Variants in SAE1 observed in about 807,000 individuals in gnomAD.
SAE1 encodes SUMO-activating enzyme subunit 1.
Under a neutral mutation model 40.6 loss-of-function variants are expected in SAE1, and 11 were observed. That is an observed-to-expected ratio of 0.27 (90% CI 0.17 to 0.45). The LOEUF is 0.45. Among genes scored for constraint, SAE1 ranks in the 20% least tolerant of loss-of-function variants. The pLI, the probability that SAE1 is intolerant of heterozygous loss-of-function variation, is 1.00. For missense variants in SAE1, 373 were observed against 427.3 expected (o/e 0.87, Z 1.12); for synonymous variants, 155 against 154.3 (o/e 1.00, Z -0.03).
At chr19:47,185,606 ATTT>A in intron 6 of SAE1, among the ~76,000 whole-genome samples, 1 of 149,144 alleles carries the variant, frequency 6.7e-6, no homozygotes, top group Non-Finnish European at 1.5e-5. Flanking sequence ...CGCCCAGCCT[ATTT>A]TTGTTTTTTT....
intron 1 of SAE1, among the ~76,000 whole-genome samples, chr19:47,132,258 C>T (rs2058149054): frequency 6.6e-6 from 1 of 151,372 alleles, no homozygotes; most frequent in South Asian, 2.1e-4. Context: ...CCACTGTGCC[C>T]AGCTTGTTTT....
At chr19:47,188,214 G>A (rs751802321) in intron 6 of SAE1, among the ~76,000 whole-genome samples, 1 of 152,072 alleles carries the variant, frequency 6.6e-6, no homozygotes, top group Non-Finnish European at 1.5e-5. Context: ...CACCAGGCAT[G>A]GTGGTGCATG....
At chr19:47,206,050 G>A (rs1385875434) in intron 8 of SAE1, among the ~76,000 whole-genome samples, 1 of 152,172 alleles carries the variant, frequency 6.6e-6, no homozygotes, top group Non-Finnish European at 1.5e-5. Context: ...TTTTTCATGT[G>A]GGATGGAGAC....
chr19:47,200,753 T>A (rs922075431), intron 7 of SAE1, among the ~76,000 whole-genome samples: 3 of 152,198 alleles, frequency 2.0e-5, no homozygotes, highest in African/African-American at 7.2e-5. Flanking sequence ...ACTTACTCAT[T>A]TATATATTAT....
At chr19:47,166,281 G>C (rs1031028508) in intron 5 of SAE1, among the ~76,000 whole-genome samples, 29 of 152,270 alleles carry the variant, frequency 1.9e-4, no homozygotes, top group African/African-American at 6.7e-4. Context: ...GGGCACGGAT[G>C]GGGGCCAGCT....
intron 6 of SAE1, among the ~76,000 whole-genome samples, chr19:47,176,830 CTCT>C (rs1400523711): frequency 2.6e-5 from 4 of 152,176 alleles, no homozygotes; most frequent in African/African-American, 4.8e-5. Context: ...AGCAAAAGGT[CTCT>C]TCTTTTTATT....
At chr19:47,186,669 C>T (rs2058546481) in intron 6 of SAE1, among the ~76,000 whole-genome samples, 1 of 152,136 alleles carries the variant, frequency 6.6e-6, no homozygotes, top group African/African-American at 2.4e-5. Flanking sequence ...TCATCCGGCG[C>T]CTCGGAACCT....
At chr19:47,194,784 C>T (rs980704919) in intron 6 of SAE1, among the ~76,000 whole-genome samples, 2 of 144,608 alleles carry the variant, frequency 1.4e-5, no homozygotes, top group Non-Finnish European at 3.0e-5. Context: ...GAGTTACGCT[C>T]TATCGCACAG....
intron 6 of SAE1, among the ~76,000 whole-genome samples, chr19:47,174,563 ATTT>A (rs71180803): frequency 5.6e-5 from 5 of 88,516 alleles, no homozygotes; most frequent in Non-Finnish European, 6.2e-5. Flanking sequence ...CGCCTGGCAA[ATTT>A]TTTTTTTTTT....
chr19:47,206,896 A>G (rs1212721985), intron 8 of SAE1, among the ~76,000 whole-genome samples: 2 of 152,178 alleles, frequency 1.3e-5, no homozygotes, highest in Admixed American at 6.5e-5. Context: ...TTATTTGCCT[A>G]TTTGCCCAGA....
In SAE1 at chr19:47,143,135, C is replaced by T. The variant is rs1366693557; in HGVS notation, c.99-359C>T. ...TTTTTTTTTTTTTGAGACGGAGTCT[C>T]ACTCTTGTTGCCCAAGTTGAAGTGC... On this transcript the variant is annotated intron_variant, in intron 1 of 8. Coordinates refer to ENST00000270225, the MANE Select transcript of SAE1 (RefSeq NM_005500.3). Among the ~76,000 whole-genome samples the T allele has an allele frequency of 5.3e-5, 8 of 151,898 alleles. No homozygotes were observed. The East Asian group carries it at 1.5e-3, about 29-fold the overall frequency.
Position 47,209,312 on chromosome 19 carries a change from CCCTT to C in SAE1, c.*67_*70del, listed in dbSNP as rs2058701602. On this transcript the variant is annotated 3_prime_UTR_variant, in exon 9 of 9. Coordinates refer to ENST00000270225, the MANE Select transcript of SAE1 (RefSeq NM_005500.3). ...AGCATGCCCACCTGTATTCCCTGTC[CCCTT>C]CCTTCATGAAGGCATCTCCAGGCAA... 1 of 1,612,256 alleles carries C rather than the reference CCCTT, an allele frequency of 6.2e-7. No individual in the cohort carries two copies. The highest frequency in any genetic ancestry group is 1.3e-5 in the African/African-American group (1 of 74,972).
intron 4 of SAE1, 52 bp from the exon 5 acceptor site, chr19:47,155,062 A>G (rs140614276): frequency 1.4e-5 from 16 of 1,179,488 alleles, no homozygotes; most frequent in South Asian, 7.4e-5. Context: ...TTTGATTCCA[A>G]TAACATGATT....
intron 6 of SAE1, among the ~76,000 whole-genome samples, chr19:47,172,767 CA>C (rs992963906): frequency 2.5e-3 from 329 of 132,972 alleles, no homozygotes; most frequent in Middle Eastern, 3.8e-3. Flanking sequence ...GTGTACACGC[CA>C]AAAAAAAAAA....
chr19:47,190,977 C>G (rs139190486), intron 6 of SAE1, among the ~76,000 whole-genome samples: 2 of 152,290 alleles, frequency 1.3e-5, no homozygotes, highest in East Asian at 3.9e-4. Context: ...TATGGACCTG[C>G]TGTTTCTTTT....
intron 1 of SAE1, among the ~76,000 whole-genome samples, chr19:47,141,824 A>G (rs1193240897): frequency 6.6e-6 from 1 of 152,192 alleles, no homozygotes; most frequent in Non-Finnish European, 1.5e-5. Context: ...TGAATAATAC[A>G]TTTGCTGCAG....
At chr19:47,180,443 A>G (rs1808569940) in intron 6 of SAE1, 1 of 359,228 alleles carries the variant, frequency 2.8e-6, no homozygotes, top group Admixed American at 3.7e-5. Flanking sequence ...TTTGACTATC[A>G]CCATAGTAGT....
chr19:47,139,038 G>T (rs1259609113), intron 1 of SAE1, among the ~76,000 whole-genome samples: 2 of 152,098 alleles, frequency 1.3e-5, no homozygotes, highest in Non-Finnish European at 2.9e-5. Context: ...TGGGAGCAAG[G>T]ATGGGAGCAA....
intron 6 of SAE1, among the ~76,000 whole-genome samples, chr19:47,176,944 A>G (rs1050362295): frequency 6.6e-6 from 1 of 152,232 alleles, no homozygotes; most frequent in East Asian, 1.9e-4. Context: ...TGAGTTTATC[A>G]TAACAGGAGT....
Sources: gnomAD v4.1 joint callset for allele counts (sites outside exome capture counted in the v4.1 genomes callset) on GRCh38, gnomAD v4.1.1 for gene constraint, MANE v1.5 for transcripts, NCBI Gene and HGNC (gene_info 2026-07-23, HGNC 2026-07-21) for gene names.